Variants in TRIM24 observed in about 807,000 individuals in gnomAD.
TRIM24 encodes tripartite motif containing 24.
In TRIM24, 29 loss-of-function variants were observed where a neutral mutation model predicts 123.9. The observed-to-expected ratio is 0.23, with a 90% confidence interval of 0.17 to 0.32. The LOEUF is 0.32. Among genes scored for constraint, TRIM24 ranks in the 10% least tolerant of loss-of-function variants. TRIM24 has a pLI of 1.00. For synonymous variants in TRIM24, 456 were observed against 461.1 expected (o/e 0.99, Z 0.14); for missense variants, 932 against 1,295.3 (o/e 0.72, Z 4.31).
At chr7:138,578,563 T>TGTGTGTGTGTGTGTGTGTGCGC (rs145011901) in intron 14 of TRIM24, among the ~76,000 whole-genome samples, 5 of 144,990 alleles carry the variant, frequency 3.4e-5, no homozygotes, top group African/African-American at 1.3e-4. Flanking sequence ...TGTGTGTGTG[T>TGTGTGTGTGTGTGTGTGTGCGC]GCGCGCACGC....
chr7:138,541,330 A>G (rs537614071), intron 7 of TRIM24, among the ~76,000 whole-genome samples: 2 of 152,206 alleles, frequency 1.3e-5, no homozygotes, highest in African/African-American at 4.8e-5. Context: ...TTACTTCTTG[A>G]TTCATGGGCT....
At chr7:138,565,895 T>C (rs138672328) in intron 9 of TRIM24, among the ~76,000 whole-genome samples, 552 of 152,224 alleles carry the variant, frequency 3.6e-3, no homozygotes, top group African/African-American at 0.012. Context: ...TGCAGCTGCA[T>C]TGAAGGAAAA....
intron 9 of TRIM24, among the ~76,000 whole-genome samples, chr7:138,559,306 A>G (rs1305456329): frequency 6.6e-6 from 1 of 152,116 alleles, no homozygotes; most frequent in Non-Finnish European, 1.5e-5. Flanking sequence ...GCACCCTTCT[A>G]TGAGTCCATT....
intron 1 of TRIM24, among the ~76,000 whole-genome samples, chr7:138,463,832 C>A (rs777956309): frequency 6.6e-6 from 1 of 151,720 alleles, no homozygotes; most frequent in South Asian, 2.1e-4. Context: ...CTAGGAAAAA[C>A]GTTTTAACAA....
At chr7:138,532,847 A>C (rs1796777828) in intron 6 of TRIM24, among the ~76,000 whole-genome samples, 2 of 152,246 alleles carry the variant, frequency 1.3e-5, no homozygotes, top group Non-Finnish European at 2.9e-5. Context: ...ATCCATGAGC[A>C]TGGAATGTTC....
intron 6 of TRIM24, among the ~76,000 whole-genome samples, chr7:138,533,173 A>C (rs1796784900): frequency 6.6e-6 from 1 of 152,132 alleles, no homozygotes; most frequent in Non-Finnish European, 1.5e-5. Flanking sequence ...GGACAATTTG[A>C]CTTCCTCTTT....
chr7:138,574,956 A>T (rs1239278382), intron 12 of TRIM24, among the ~76,000 whole-genome samples: 2 of 152,188 alleles, frequency 1.3e-5, no homozygotes, highest in African/African-American at 2.4e-5. Flanking sequence ...CTATTAAGGC[A>T]TTATTTGCAG....
At chr7:138,502,347 A>G (rs1796059373) in intron 1 of TRIM24, among the ~76,000 whole-genome samples, 1 of 152,242 alleles carries the variant, frequency 6.6e-6, no homozygotes, top group Non-Finnish European at 1.5e-5. Flanking sequence ...TGGAATATTG[A>G]GCACACTAAC....
chr7:138,553,856 A>G (rs1342585521), intron 8 of TRIM24, among the ~76,000 whole-genome samples: 1 of 152,160 alleles, frequency 6.6e-6, no homozygotes, highest in Admixed American at 6.5e-5. Context: ...CAGTAGGGAT[A>G]GGACCATGTT....
intron 8 of TRIM24, among the ~76,000 whole-genome samples, chr7:138,553,855 T>C (rs1797261384): frequency 6.6e-6 from 1 of 152,130 alleles, no homozygotes; most frequent in African/African-American, 2.4e-5. Context: ...TCAGTAGGGA[T>C]AGGACCATGT....
intron 6 of TRIM24, among the ~76,000 whole-genome samples, chr7:138,536,006 A>G (rs1796864203): frequency 6.6e-6 from 1 of 152,124 alleles, no homozygotes; most frequent in Admixed American, 6.5e-5. Context: ...AGTTGATTGA[A>G]TCAGGTACTG....
chr7:138,515,383 T>A, intron 3 of TRIM24, 24 bp downstream of exon 3: 1 of 1,606,930 alleles, frequency 6.2e-7, no homozygotes, highest in Non-Finnish European at 8.5e-7. Flanking sequence ...TCTTTGCATT[T>A]TTTTCCTTCT....
chr7:138,462,606 C>G (rs1795024852), intron 1 of TRIM24, among the ~76,000 whole-genome samples: 1 of 151,882 alleles, frequency 6.6e-6, no homozygotes, highest in African/African-American at 2.4e-5. Context: ...TCCCAAAGTG[C>G]TGGGATTACA....
chr7:138,536,288 C>T (rs754669473), intron 6 of TRIM24, among the ~76,000 whole-genome samples: 6 of 152,184 alleles, frequency 3.9e-5, no homozygotes, highest in African/African-American at 7.2e-5. Context: ...GGGGGAGAGG[C>T]GCTCTGATTT....
chr7:138,568,195 T>G (rs915189825), intron 10 of TRIM24, among the ~76,000 whole-genome samples: 1 of 151,884 alleles, frequency 6.6e-6, no homozygotes, highest in Non-Finnish European at 1.5e-5. Flanking sequence ...CTGGGCTAAC[T>G]GCAAACTCTG....
chr7:138,476,945 G>A (rs1795415522), intron 1 of TRIM24, among the ~76,000 whole-genome samples: 1 of 152,136 alleles, frequency 6.6e-6, no homozygotes, highest in Non-Finnish European at 1.5e-5. Context: ...CTGTGCCGAT[G>A]TAAAAAAGGA....
intron 1 of TRIM24, among the ~76,000 whole-genome samples, chr7:138,498,330 T>C (rs750251402): frequency 6.6e-6 from 1 of 152,128 alleles, no homozygotes; most frequent in African/African-American, 2.4e-5. Flanking sequence ...GTTCAAGCCA[T>C]CCTCCTGCCT....
rs555394582 is a variant in TRIM24 at position 138,502,136 on chromosome 7, G to A, written c.365-2154G>A. On this transcript the variant is annotated intron_variant, in intron 1 of 18. Transcript: ENST00000343526. ...TGTAGCCTTAGAGGTCATACTTTGA[G>A]GGAGTCAATATAGATGAGATTGTGC... Among the ~76,000 whole-genome samples, 4 of 152,274 alleles carry A rather than the reference G, an allele frequency of 2.6e-5. No homozygotes were observed. The East Asian group carries it at 7.7e-4, about 29-fold the overall frequency.
At position 138,589,434 on chromosome 7, in the gene TRIM24, G is replaced by C. The variant is rs1295549043; in HGVS notation, c.*4483G>C. On this transcript the variant is annotated 3_prime_UTR_variant, in exon 19 of 19. Coordinates refer to ENST00000343526, the MANE Select transcript of TRIM24 (RefSeq NM_015905.3). The stretch of plus-strand genomic sequence containing the variant: ...AAAATTACTGAATGTTACTTCAGCA[G>C]AGTTCTATCTACTTTGAGTCTCCAT... The C allele has an allele frequency of 6.6e-6, 1 of 152,158 alleles. No individual in the cohort carries two copies. Among genetic ancestry groups the C allele is most frequent in the African/African-American group, 2.4e-5 (1 of 41,432 alleles). 9.4% of individuals were successfully genotyped at this position (152,158 alleles called of 1,614,324 possible).
Sources: gnomAD v4.1 joint callset for allele counts (sites outside exome capture counted in the v4.1 genomes callset) on GRCh38, gnomAD v4.1.1 for gene constraint, MANE v1.5 for transcripts, NCBI Gene and HGNC (gene_info 2026-07-23, HGNC 2026-07-21) for gene names.